Variants in GTF2F2 observed in about 807,000 individuals in gnomAD.
GTF2F2 encodes the protein general transcription factor IIF subunit 2, also known as ATP-dependent helicase GTF2F2.
A neutral mutation model predicts 42.2 loss-of-function variants in GTF2F2; 23 were observed. That is an observed-to-expected ratio of 0.55 (90% CI 0.39 to 0.77). The LOEUF is 0.77. Among genes scored for constraint, GTF2F2 ranks in the 30% least tolerant of loss-of-function variants. The pLI is 0.00. For missense variants in GTF2F2, 261 were observed against 287.2 expected, an observed-to-expected ratio of 0.91 and a Z score of 0.66; for synonymous variants, 105 against 100.8, an observed-to-expected ratio of 1.04 and a Z score of -0.25.
At chr13:45,201,365 A>G (rs1382782555) in intron 4 of GTF2F2, among the ~76,000 whole-genome samples, 1 of 152,154 alleles carries the variant, frequency 6.6e-6, no homozygotes, top group Non-Finnish European at 1.5e-5. Context: ...TCTTTTGGAA[A>G]GTACTAGAGC....
chr13:45,241,293 G>T (rs1199863631), intron 5 of GTF2F2, among the ~76,000 whole-genome samples: 3 of 151,818 alleles, frequency 2.0e-5, no homozygotes, highest in Non-Finnish European at 4.4e-5. Flanking sequence ...CTGAGTACTT[G>T]CTACCCACCT....
intron 4 of GTF2F2, among the ~76,000 whole-genome samples, chr13:45,191,229 A>ATG (rs1342319142): frequency 5.1e-4 from 63 of 122,880 alleles, no homozygotes; most frequent in Non-Finnish European, 8.1e-4. Context: ...AAAAAAATAT[A>ATG]TATATATATA....
At chr13:45,217,297 C>CAAA (rs397851526) in intron 5 of GTF2F2, among the ~76,000 whole-genome samples, 1 of 85,516 alleles carries the variant, frequency 1.2e-5, no homozygotes, top group African/African-American at 3.7e-5. Context: ...GACTCCATCT[C>CAAA]AAAAAAAAAA....
At chr13:45,274,487 TA>T in intron 7 of GTF2F2, among the ~76,000 whole-genome samples, 1 of 152,012 alleles carries the variant, frequency 6.6e-6, no homozygotes, top group Non-Finnish European at 1.5e-5. Context: ...CCACCACACC[TA>T]GCTAATTTTT....
At chr13:45,168,652 A>G (rs1192388950) in intron 4 of GTF2F2, among the ~76,000 whole-genome samples, 5 of 152,090 alleles carry the variant, frequency 3.3e-5, no homozygotes, top group Admixed American at 1.3e-4. Context: ...TCACTCTGTC[A>G]CCCAGGCTGT....
At chr13:45,194,929 TTAAC>T (rs1216906771) in intron 4 of GTF2F2, among the ~76,000 whole-genome samples, 3 of 152,248 alleles carry the variant, frequency 2.0e-5, no homozygotes, top group Non-Finnish European at 2.9e-5. Context: ...ATGTGAATGT[TTAAC>T]TATTTCTAAA....
At position 45,207,285 on chromosome 13, in the gene GTF2F2, A is replaced by G. The variant is rs552208329; in HGVS notation, c.305-139A>G. ...GCTTCTCTCTGTTCTGACCAGTGAG[A>G]TTCCTGAAACTTAACTATTTTTTCT... is the stretch of plus-strand genomic sequence containing the variant. On this transcript the variant is annotated intron_variant, in intron 4 of 7. Coordinates refer to ENST00000340473, the MANE Select transcript of GTF2F2 (RefSeq NM_004128.3). The G allele has an allele frequency of 1.2e-5, 7 of 598,834 alleles. No individual in the cohort carries two copies. The East Asian group carries it at 1.4e-4, about 12-fold the overall frequency. 37.1% of individuals were successfully genotyped at this position (598,834 alleles called of 1,614,324 possible).
Position 45,283,668 on chromosome 13 carries a change from A to G in GTF2F2, c.*107A>G, listed in dbSNP as rs576314663. ...CGTATGTTAATAGGGGTTAAGTGAC[A>G]GTACTTTGATTTCTCTCGGTAAATT... On this transcript the variant is annotated 3_prime_UTR_variant, in exon 8 of 8. Transcript: ENST00000340473. The G allele has an allele frequency of 6.4e-5, 56 of 870,536 alleles. No individual in the cohort carries two copies. In the South Asian group the frequency reaches 1.9e-3, roughly 29 times the overall value. 53.9% of individuals were successfully genotyped at this position (870,536 alleles called of 1,614,324 possible).
At position 45,178,179 on chromosome 13, in the gene GTF2F2, C is replaced by T. The variant is rs1044045806; in HGVS notation, c.304+26348C>T. On this transcript the variant is annotated intron_variant, in intron 4 of 7. Coordinates refer to ENST00000340473, the MANE Select transcript of GTF2F2 (RefSeq NM_004128.3). ...ACAAATATTTTAAACATAGGGCCAA[C>T]AGTTTCTTTGTATCTTCTGTGTCTC... is the stretch of plus-strand genomic sequence containing the variant. Among the ~76,000 whole-genome samples, 6 of 151,962 alleles carry T rather than the reference C, an allele frequency of 3.9e-5. No homozygotes were observed. The South Asian group carries it at 1.0e-3, about 26-fold the overall frequency.
chr13:45,169,980 C>T (rs563171565), intron 4 of GTF2F2, among the ~76,000 whole-genome samples: 1 of 152,102 alleles, frequency 6.6e-6, no homozygotes, highest in Non-Finnish European at 1.5e-5. Flanking sequence ...AGTTATAGTT[C>T]CAACATTTAT....
At position 45,120,667 on chromosome 13, in the gene GTF2F2, C is replaced by T. The variant is rs1055915892; in HGVS notation, c.12C>T (p.Arg4=). The T allele has an allele frequency of 1.2e-5, 18 of 1,559,474 alleles. No individual in the cohort carries two copies. The African/African-American group carries it at 2.0e-4, about 18-fold the overall frequency. Residue 4 remains arginine, a synonymous_variant, in exon 1 of 8, where the codon CGC becomes CGT. Coordinates refer to ENST00000340473, the MANE Select transcript of GTF2F2 (RefSeq NM_004128.3). MAE[R]GELDLTGAKQ... ...CCGGCTGCAGACCCATGGCCGAGCG[C>T]GGGGAACTCGACTTGACCGGCGCCA...
At chr13:45,211,193 G>T (rs549382206) in intron 5 of GTF2F2, among the ~76,000 whole-genome samples, 1 of 152,200 alleles carries the variant, frequency 6.6e-6, no homozygotes, top group South Asian at 2.1e-4. Context: ...TAGTCCCCGT[G>T]TCCATTATAA....
chr13:45,225,611 CAAAA>C (rs35637992), intron 5 of GTF2F2, among the ~76,000 whole-genome samples: 2 of 65,538 alleles, frequency 3.1e-5, no homozygotes, highest in Non-Finnish European at 6.7e-5. Context: ...AGCTCTGTCT[CAAAA>C]AAAAAAAAAA....
chr13:45,228,127 A>G (rs1037865428), intron 5 of GTF2F2, among the ~76,000 whole-genome samples: 4 of 150,644 alleles, frequency 2.7e-5, no homozygotes, highest in African/African-American at 9.8e-5. Context: ...ACCTCTTGAG[A>G]TCAGTGGCAT....
intron 4 of GTF2F2, among the ~76,000 whole-genome samples, chr13:45,204,179 T>C (rs1415540073): frequency 6.6e-6 from 1 of 152,214 alleles, no homozygotes; most frequent in Non-Finnish European, 1.5e-5. Flanking sequence ...AAAATTTGTG[T>C]ATATTTATGG....
chr13:45,246,995 C>G (rs1046151929), intron 5 of GTF2F2, among the ~76,000 whole-genome samples: 2 of 148,620 alleles, frequency 1.3e-5, no homozygotes, highest in Non-Finnish European at 3.0e-5. Context: ...CCGAGATAAG[C>G]GCCACTGCAC....
chr13:45,272,697 A>G (rs1043967232), intron 7 of GTF2F2, among the ~76,000 whole-genome samples: 1 of 150,322 alleles, frequency 6.7e-6, no homozygotes, highest in African/African-American at 2.4e-5. Context: ...GTAAGCCAAG[A>G]TTGTGTCACT....
intron 4 of GTF2F2, among the ~76,000 whole-genome samples, chr13:45,162,811 C>G (rs148144935): frequency 5.3e-5 from 8 of 152,216 alleles, no homozygotes; most frequent in Admixed American, 1.3e-4. Context: ...TATTTCAAAC[C>G]TACAGAAAAG....
At chr13:45,165,195 G>A (rs1292512647) in intron 4 of GTF2F2, among the ~76,000 whole-genome samples, 1 of 149,590 alleles carries the variant, frequency 6.7e-6, no homozygotes, top group Non-Finnish European at 1.5e-5. Context: ...AATATATATA[G>A]ATATCTATAT....
Sources: allele counts gnomAD v4.1 joint callset (sites outside exome capture counted in the v4.1 genomes callset), GRCh38; gene constraint gnomAD v4.1.1; transcripts MANE v1.5; gene names NCBI Gene and HGNC (gene_info 2026-07-23, HGNC 2026-07-21).